Variants in TMEM233 observed in about 807,000 individuals in gnomAD.
TMEM233 encodes the protein dispanin subfamily B member 2.
A neutral mutation model predicts 11.2 loss-of-function variants in TMEM233; 6 were observed. That is an observed-to-expected ratio of 0.54 (90% CI 0.29 to 1.06). The LOEUF (loss-of-function observed/expected upper bound fraction) is 1.06. Among genes scored for constraint, TMEM233 ranks in the 50% least tolerant of loss-of-function variants. The pLI, the probability that TMEM233 is intolerant of heterozygous loss-of-function variation, is 0.08. For synonymous variants in TMEM233, 59 were observed against 55.8 expected (o/e 1.06, Z -0.26); for missense variants, 127 against 144.7 (o/e 0.88, Z 0.63).
chr12:119,647,834 C>A (rs1049469790), downstream of TMEM233, among the ~76,000 whole-genome samples: 1 of 123,388 alleles, frequency 8.1e-6, no homozygotes, highest in Non-Finnish European at 1.6e-5. Context: ...TCCATGTGTT[C>A]TCATTGTTCA....
chr12:119,609,878 C>T (rs1954360409), intron 1 of TMEM233, among the ~76,000 whole-genome samples: 2 of 152,162 alleles, frequency 1.3e-5, no homozygotes, highest in South Asian at 4.1e-4. Context: ...GGGGTCAGAG[C>T]CCCCCACAGA....
At chr12:119,638,166 A>G (rs942668466) in intron 2 of TMEM233, among the ~76,000 whole-genome samples, 2 of 152,206 alleles carry the variant, frequency 1.3e-5, no homozygotes, top group South Asian at 2.1e-4. Flanking sequence ...AGCTTTAAAC[A>G]TATGCCAATG....
intron 1 of TMEM233, among the ~76,000 whole-genome samples, chr12:119,616,399 C>T (rs1954534468): frequency 2.6e-5 from 4 of 152,150 alleles, no homozygotes; most frequent in South Asian, 2.1e-4. Flanking sequence ...AACTGAAGTC[C>T]CTTCATTTTA....
Position 119,594,016 on chromosome 12 carries a change from T to C in TMEM233, c.168T>C (p.Ala56=). 1.3e-6 allele frequency: 2 copies of C among 1,551,626 alleles called. No individual in the cohort carries two copies. The highest frequency in any genetic ancestry group is 1.7e-6 in the Non-Finnish European group (2 of 1,146,954). The change falls in exon 1 of 3, where the codon GCT becomes GCC. Residue 56 remains alanine, a synonymous_variant. Coordinates refer to ENST00000426426, the MANE Select transcript of TMEM233 (RefSeq NM_001136534.3). This position sits in a 1 kb window ranked among gnomAD's most constrained non-coding sequence, Gnocchi z 5.6. ...CTGCGTACCCCATCAACATCGTGGC[T>C]TTGGTCTTTTCCATCATGGTGAGTG... ...FCPAYPINIV[A]LVFSIMSLNS...
At position 119,595,161 on chromosome 12, in the gene TMEM233, C is replaced by T. The variant is rs1327586539; in HGVS notation, c.186+1127C>T. Among the ~76,000 whole-genome samples, 1 of 152,222 alleles carries T rather than the reference C, an allele frequency of 6.6e-6. No homozygotes were observed. Among genetic ancestry groups the T allele is most frequent in the Non-Finnish European group, 1.5e-5 (1 of 68,040 alleles). On this transcript the variant is annotated intron_variant, in intron 1 of 2. Coordinates refer to ENST00000426426, the MANE Select transcript of TMEM233 (RefSeq NM_001136534.3). The surrounding 1 kb of genome is among the most constrained non-coding windows in gnomAD (Gnocchi z 4.3). ...GGGCGACGAGCGCCTGCTAGGCCCT[C>T]GCCTTATTGACTGCAGCAGCTGGCC... is the stretch of plus-strand genomic sequence containing the variant.
At chr12:119,602,233 C>T in intron 1 of TMEM233, among the ~76,000 whole-genome samples, 1 of 152,190 alleles carries the variant, frequency 6.6e-6, no homozygotes, top group Non-Finnish European at 1.5e-5. Flanking sequence ...TGGACTTCAG[C>T]TAGGTGTAGG....
At chr12:119,625,978 C>T (rs1446280465) in intron 1 of TMEM233, among the ~76,000 whole-genome samples, 1 of 151,972 alleles carries the variant, frequency 6.6e-6, no homozygotes, top group Non-Finnish European at 1.5e-5. Flanking sequence ...AAGGATCATA[C>T]ATTGCATATA....
downstream of TMEM233, among the ~76,000 whole-genome samples, chr12:119,647,523 T>C (rs1398142239): frequency 6.6e-6 from 1 of 152,254 alleles, no homozygotes; most frequent in East Asian, 1.9e-4. Flanking sequence ...ATATGGGCTC[T>C]AGTGCCAGCG....
Position 119,613,499 on chromosome 12 carries a change from T to C in TMEM233, c.187-16237T>C, listed in dbSNP as rs181977672. 5.3e-5 allele frequency among the ~76,000 whole-genome samples: 8 copies of C among 152,346 alleles called. No individual in the cohort carries two copies. In the East Asian group the frequency reaches 1.2e-3, roughly 22 times the overall value. Reference sequence around the variant, plus strand: ...GAGCTGAGTCAGAACCCACTGACTATGGTCACAGGACCTACTTAAGATGTC... The same window carrying C: ...GAGCTGAGTCAGAACCCACTGACTACGGTCACAGGACCTACTTAAGATGTC... On this transcript the variant is annotated intron_variant, in intron 1 of 2. Coordinates refer to ENST00000426426, the MANE Select transcript of TMEM233 (RefSeq NM_001136534.3).
chr12:119,613,573 G>A (rs1328531562), intron 1 of TMEM233, among the ~76,000 whole-genome samples: 3 of 152,150 alleles, frequency 2.0e-5, no homozygotes, highest in Non-Finnish European at 2.9e-5. Flanking sequence ...CAGCACTTTC[G>A]GAGGCTGAGG....
At chr12:119,635,322 G>A (rs560751949) in intron 2 of TMEM233, among the ~76,000 whole-genome samples, 1 of 152,226 alleles carries the variant, frequency 6.6e-6, no homozygotes, top group Admixed American at 6.5e-5. Context: ...CATTTCCTGA[G>A]TAGCCTGGAA....
intron 1 of TMEM233, among the ~76,000 whole-genome samples, chr12:119,609,557 G>T (rs141890397): frequency 0.015 from 2,234 of 152,280 alleles, 64 homozygotes; most frequent in African/African-American, 0.051. Flanking sequence ...GGTTTTATGG[G>T]CCCAGGGCCC....
intron 2 of TMEM233, among the ~76,000 whole-genome samples, chr12:119,635,927 T>C (rs991879092): frequency 6.6e-6 from 1 of 152,174 alleles, no homozygotes; most frequent in African/African-American, 2.4e-5. Flanking sequence ...GGTGTTTCCA[T>C]GTGTGCCACC....
Position 119,594,188 on chromosome 12 carries a change from C to T in TMEM233, c.186+154C>T. On this transcript the variant is annotated intron_variant, in intron 1 of 2. Transcript: ENST00000426426. This position sits in a 1 kb window ranked among gnomAD's most constrained non-coding sequence, Gnocchi z 5.6. ...CCTCGCACCTCCTCCTCACCTTTCT[C>T]GGGCTCTCAGAGCTCTCCCCGCAAT... 1 of 728,760 alleles carries T rather than the reference C, an allele frequency of 1.4e-6. No individual in the cohort carries two copies. The highest frequency in any genetic ancestry group is 2.8e-5 in the Admixed American group (1 of 35,870). The allele number at this position is 728,760 out of a possible 1,614,324, so 45.1% of individuals were successfully genotyped here.
chr12:119,597,396 T>A (rs936328172), intron 1 of TMEM233, among the ~76,000 whole-genome samples: 13 of 151,920 alleles, frequency 8.6e-5, no homozygotes, highest in African/African-American at 3.1e-4. Context: ...CACTGTAGGA[T>A]GATGCAAATT....
chr12:119,625,737 T>G (rs1954742718), intron 1 of TMEM233, among the ~76,000 whole-genome samples: 2 of 152,244 alleles, frequency 1.3e-5, no homozygotes, highest in Non-Finnish European at 2.9e-5. Flanking sequence ...TTTGCCATTT[T>G]TATTCTTATT....
the TMEM233 span, among the ~76,000 whole-genome samples, chr12:119,648,572 G>T: frequency 6.6e-6 from 1 of 152,130 alleles, no homozygotes; most frequent in African/African-American, 2.4e-5. Context: ...TTCACTCAAG[G>T]TCATATCACA....
At position 119,642,403 on chromosome 12, in the gene TMEM233, T is replaced by C. The variant is rs10774509; in HGVS notation, c.*1698T>C. ...CGGAGGTTGCCGTGAGCTGAGACTG[T>C]GCCACTACACTCCAGCCCGGGGTGA... On this transcript the variant is annotated 3_prime_UTR_variant, in exon 3 of 3. Coordinates refer to ENST00000426426, the MANE Select transcript of TMEM233 (RefSeq NM_001136534.3). 116,620 of 151,572 alleles carry C rather than the reference T, an allele frequency of 0.77. 45,008 individuals carry two copies. Among genetic ancestry groups the C allele is most frequent in the Middle Eastern group, 0.85 (249 of 294 alleles). The allele number at this position is 151,572 out of a possible 1,614,324, so 9.4% of individuals were successfully genotyped here.
intron 1 of TMEM233, among the ~76,000 whole-genome samples, chr12:119,628,155 A>T (rs1566110399): frequency 2.7e-5 from 4 of 150,366 alleles, no homozygotes; most frequent in Admixed American, 6.6e-5. Flanking sequence ...TTTATATTTT[A>T]TTTTTTTTAT....
Sources: gnomAD v4.1 joint callset for allele counts (sites outside exome capture counted in the v4.1 genomes callset) on GRCh38, gnomAD v4.1.1 for gene constraint, Gnocchi (gnomAD v3.1) non-coding constraint, MANE v1.5 for transcripts, NCBI Gene and HGNC (gene_info 2026-07-23, HGNC 2026-07-21) for gene names.